The following TMEM132D variants were observed in gnomAD, a reference collection of about 807,000 sequenced individuals.
The protein encoded by TMEM132D is mature OL transmembrane protein.
TMEM132D carries 21 observed loss-of-function variants against 62.3 expected under a neutral mutation model. The observed-to-expected ratio is 0.34, with a 90% confidence interval of 0.24 to 0.49. The LOEUF is 0.49. Among genes scored for constraint, TMEM132D ranks in the 20% least tolerant of loss-of-function variants. The pLI is 0.99. For missense variants in TMEM132D, 1,346 were observed against 1,402.8 expected, an observed-to-expected ratio of 0.96 and a Z score of 0.65; for synonymous variants, 621 against 575.6, an observed-to-expected ratio of 1.08 and a Z score of -1.13.
intron 2 of TMEM132D, among the ~76,000 whole-genome samples, chr12:129,621,722 G>T (rs1427782575): frequency 6.6e-6 from 1 of 152,170 alleles, no homozygotes; most frequent in African/African-American, 2.4e-5. Flanking sequence ...ATCTTCCAGT[G>T]GAGGTAGGTA....
At chr12:129,337,439 A>ACGCG (rs1242351376) in intron 4 of TMEM132D, among the ~76,000 whole-genome samples, 195 bp downstream of exon 4, 3 of 117,762 alleles carry the variant, frequency 2.5e-5, no homozygotes, top group Non-Finnish European at 3.6e-5. Flanking sequence ...AGATACACAC[A>ACGCG]CGCACACACA....
At position 129,081,843 on chromosome 12, in the gene TMEM132D, GAA is replaced by G. The variant is rs763415611; in HGVS notation, c.1837_1838del (p.Phe613HisfsTer40). On this transcript the variant is annotated frameshift_variant, in exon 7 of 9. Transcript: ENST00000422113. LOFTEE classifies it high-confidence loss of function. ...CGATCCTGGGCTCCTCCACCTGCAT[GAA>G]GTCATTTATCAGCTCCGTGATGTCC... is the stretch of plus-strand genomic sequence containing the variant. Reference protein sequence around the residue: ...QVDITELINDFMQVEEPRIAK... With the variant: ...QVDITELINDXMQVEEPRIAK... The G allele has an allele frequency of 6.2e-7, 1 of 1,613,750 alleles. No homozygotes were observed. The highest frequency in any genetic ancestry group is 8.5e-7 in the Non-Finnish European group (1 of 1,179,974).
At chr12:129,605,448 G>A (rs1878589315) in intron 2 of TMEM132D, among the ~76,000 whole-genome samples, 1 of 151,636 alleles carries the variant, frequency 6.6e-6, no homozygotes, top group Admixed American at 6.6e-5. Flanking sequence ...AGGAAAAAAT[G>A]GTCTCGTCTG....
intron 7 of TMEM132D, 66 bp from the exon 8 acceptor site, chr12:129,078,791 G>A (rs2135611903): frequency 6.4e-7 from 1 of 1,554,152 alleles, no homozygotes; most frequent in Non-Finnish European, 8.8e-7. Context: ...TCCAGTCACA[G>A]GAGGAAGTGC....
At chr12:129,401,440 G>A (rs991134250) in intron 3 of TMEM132D, among the ~76,000 whole-genome samples, 2 of 152,096 alleles carry the variant, frequency 1.3e-5, no homozygotes, top group African/African-American at 2.4e-5. Flanking sequence ...ATGGTGGCAT[G>A]AGCCTGTAGT....
chr12:129,677,155 G>A (rs1269148828), intron 2 of TMEM132D, among the ~76,000 whole-genome samples: 1 of 152,190 alleles, frequency 6.6e-6, no homozygotes, highest in Non-Finnish European at 1.5e-5. Flanking sequence ...ATCTTGAATT[G>A]TAACTCCCAC....
At chr12:129,185,042 G>A (rs1464145942) in intron 5 of TMEM132D, among the ~76,000 whole-genome samples, 2 of 152,112 alleles carry the variant, frequency 1.3e-5, no homozygotes, top group South Asian at 2.1e-4. Flanking sequence ...ATCAATTATC[G>A]TGAGCCGAGC....
chr12:129,268,353 C>T (rs1258170719), intron 4 of TMEM132D, among the ~76,000 whole-genome samples: 2 of 152,152 alleles, frequency 1.3e-5, no homozygotes, highest in Admixed American at 6.5e-5. Flanking sequence ...AAACAAACAA[C>T]CCCATCAAAA....
At chr12:129,489,610 A>G (rs1156432997) in intron 3 of TMEM132D, among the ~76,000 whole-genome samples, 4 of 152,174 alleles carry the variant, frequency 2.6e-5, no homozygotes, top group African/African-American at 9.7e-5. Flanking sequence ...AGTTTTATGT[A>G]TTTTATTCCT....
intron 3 of TMEM132D, among the ~76,000 whole-genome samples, chr12:129,477,589 G>A (rs1874303936): frequency 6.6e-6 from 1 of 152,158 alleles, no homozygotes; most frequent in South Asian, 2.1e-4. Flanking sequence ...GGGAGGCCGA[G>A]GCGGGTGGAT....
intron 3 of TMEM132D, among the ~76,000 whole-genome samples, chr12:129,406,746 C>T (rs1871802984): frequency 6.6e-6 from 1 of 152,170 alleles, no homozygotes; most frequent in Admixed American, 6.5e-5. Context: ...TAGGCTATGC[C>T]TTGTGTAATT....
chr12:129,625,060 C>G (rs1473589812), intron 2 of TMEM132D, among the ~76,000 whole-genome samples: 1 of 152,226 alleles, frequency 6.6e-6, no homozygotes, highest in Non-Finnish European at 1.5e-5. Context: ...ATTGGCATGG[C>G]TACTGCCTCA....
chr12:129,102,420 C>T (rs931677964), intron 5 of TMEM132D, among the ~76,000 whole-genome samples: 17 of 151,742 alleles, frequency 1.1e-4, no homozygotes, highest in African/African-American at 4.1e-4. Flanking sequence ...TGCACGCACA[C>T]TCGCACACTG....
At chr12:129,682,489 T>A in intron 2 of TMEM132D, among the ~76,000 whole-genome samples, 1 of 152,100 alleles carries the variant, frequency 6.6e-6, no homozygotes, top group East Asian at 1.9e-4. Flanking sequence ...ACAGCCCTTT[T>A]GTTTTGAAAA....
At chr12:129,716,235 A>T (rs1027349732) in intron 1 of TMEM132D, among the ~76,000 whole-genome samples, 8 of 152,168 alleles carry the variant, frequency 5.3e-5, no homozygotes, top group African/African-American at 1.9e-4. Flanking sequence ...GAAGGAAAAC[A>T]ATGCCGCCTG....
chr12:129,580,765 C>T (rs2137126307), intron 2 of TMEM132D, among the ~76,000 whole-genome samples: 1 of 149,102 alleles, frequency 6.7e-6, no homozygotes, highest in African/African-American at 2.6e-5. Context: ...AAATCACTGT[C>T]TGTTCTGACC....
intron 1 of TMEM132D, among the ~76,000 whole-genome samples, chr12:129,778,032 T>G (rs1215153717): frequency 2.7e-5 from 4 of 149,904 alleles, no homozygotes; most frequent in Non-Finnish European, 5.9e-5. Context: ...GGAGGATCAC[T>G]TGAACCCAGG....
rs1447398443 is a variant in TMEM132D, at chr12:129,874,750, G to A, written c.79+28511C>T. The stretch of plus-strand genomic sequence containing the variant: ...GAGTTTCACTCTTGTCACCCAGGCT[G>A]GAGTGCAATGGCGCAATCTCGGCTC... On this transcript the variant is annotated intron_variant, in intron 1 of 8. Coordinates refer to ENST00000422113, the MANE Select transcript of TMEM132D (RefSeq NM_133448.3). Among the ~76,000 whole-genome samples the A allele has an allele frequency of 5.2e-5, 7 of 133,708 alleles. No homozygotes were observed. The East Asian group carries it at 1.3e-3, about 25-fold the overall frequency. 87.7% of individuals were successfully genotyped at this position (133,708 alleles called of 152,430 possible). A position where few individuals can be genotyped will look rare whatever the true frequency, so the allele number is the denominator to read the frequency against.
At chr12:129,445,184 A>G (rs769952241) in intron 3 of TMEM132D, among the ~76,000 whole-genome samples, 6 of 152,192 alleles carry the variant, frequency 3.9e-5, no homozygotes, top group Non-Finnish European at 8.8e-5. Context: ...GCTGGAGGCC[A>G]TTATCCTTAG....
Sources: allele counts gnomAD v4.1 joint callset (sites outside exome capture counted in the v4.1 genomes callset), GRCh38; gene constraint gnomAD v4.1.1; transcripts MANE v1.5; gene names NCBI Gene and HGNC (gene_info 2026-07-23, HGNC 2026-07-21).